Variants in CADPS2 observed in about 807,000 individuals in gnomAD.
CADPS2 encodes calcium dependent secretion activator 2.
CADPS2 carries 93 observed loss-of-function variants against 172.5 expected under a neutral mutation model. The ratio of observed to expected loss-of-function variants is 0.54; its 90% CI spans 0.46 to 0.64. The LOEUF is 0.64. CADPS2 is among the 30% of genes least tolerant of loss of function. The pLI is 0.00. For synonymous variants in CADPS2, 546 were observed against 555.2 expected, an observed-to-expected ratio of 0.98 and a Z score of 0.23; for missense variants, 1,420 against 1,565.9, an observed-to-expected ratio of 0.91 and a Z score of 1.57.
chr7:122,633,210 A>AT (rs1206811098), intron 3 of CADPS2, among the ~76,000 whole-genome samples: 1 of 152,010 alleles, frequency 6.6e-6, no homozygotes, highest in East Asian at 1.9e-4. Flanking sequence ...TTTAGAATAG[A>AT]TTTTTCTAAT....
chr7:122,664,472 C>T (rs2080966977), intron 2 of CADPS2, among the ~76,000 whole-genome samples: 1 of 152,054 alleles, frequency 6.6e-6, no homozygotes, highest in African/African-American at 2.4e-5. Flanking sequence ...GTTCATGAGA[C>T]AGGTAGCAAG....
chr7:122,528,254 G>GA (rs769006106), intron 8 of CADPS2, among the ~76,000 whole-genome samples: 3 of 151,890 alleles, frequency 2.0e-5, no homozygotes, highest in Non-Finnish European at 2.9e-5. Flanking sequence ...CCCATTTAAG[G>GA]AAAAAAGCTT....
intron 3 of CADPS2, among the ~76,000 whole-genome samples, chr7:122,659,310 T>A (rs370186551): frequency 1.2e-3 from 154 of 129,024 alleles, no homozygotes; most frequent in East Asian, 3.2e-3. Context: ...ATGCTAGACA[T>A]AAAAAAAAAA....
chr7:122,350,137 T>G (rs1028478065), intron 27 of CADPS2, among the ~76,000 whole-genome samples: 2 of 152,210 alleles, frequency 1.3e-5, no homozygotes, highest in Admixed American at 6.5e-5. Flanking sequence ...GTTATGATTA[T>G]CTGCTTGCTT....
intron 2 of CADPS2, among the ~76,000 whole-genome samples, chr7:122,701,430 G>A (rs2086065074): frequency 6.6e-6 from 1 of 152,080 alleles, no homozygotes; most frequent in Non-Finnish European, 1.5e-5. Flanking sequence ...TCACACACCG[G>A]GGCCTGTTGT....
At chr7:122,779,757 G>A (rs1375565016) in intron 1 of CADPS2, among the ~76,000 whole-genome samples, 1 of 152,126 alleles carries the variant, frequency 6.6e-6, no homozygotes, top group African/African-American at 2.4e-5. Context: ...ATCCATTGAT[G>A]AGTCTTCCAA....
At chr7:122,327,569 T>G (rs2034121899) in intron 28 of CADPS2, among the ~76,000 whole-genome samples, 2 of 152,090 alleles carry the variant, frequency 1.3e-5, no homozygotes, top group Admixed American at 1.3e-4. Flanking sequence ...TGAAAAAACT[T>G]TCTTAAAATT....
intron 1 of CADPS2, among the ~76,000 whole-genome samples, chr7:122,817,356 CCT>C (rs1801775431): frequency 6.6e-6 from 1 of 152,182 alleles, no homozygotes; most frequent in South Asian, 2.1e-4. Flanking sequence ...TCTTCTCCAA[CCT>C]CTCTCATCAC....
chr7:122,470,015 C>T (rs528083896), intron 14 of CADPS2, among the ~76,000 whole-genome samples: 10 of 151,956 alleles, frequency 6.6e-5, no homozygotes, highest in Admixed American at 3.3e-4. Flanking sequence ...AGATTTTTTG[C>T]GGTAAAATTT....
chr7:122,586,746 AAC>A (rs1004877913), intron 6 of CADPS2, among the ~76,000 whole-genome samples: 22 of 151,974 alleles, frequency 1.4e-4, no homozygotes, highest in Admixed American at 5.3e-4. Flanking sequence ...TGTAGAAAAA[AAC>A]ACACATTCCT....
intron 24 of CADPS2, among the ~76,000 whole-genome samples, chr7:122,384,282 G>A (rs993685816): frequency 6.6e-6 from 1 of 152,096 alleles, no homozygotes; most frequent in Non-Finnish European, 1.5e-5. Context: ...AAGGAGTTGG[G>A]AAAGTTTTAT....
intron 27 of CADPS2, among the ~76,000 whole-genome samples, chr7:122,353,446 G>C (rs1476567268): frequency 1.3e-5 from 2 of 152,024 alleles, no homozygotes; most frequent in East Asian, 1.9e-4. Flanking sequence ...CCAATGAAGA[G>C]AGACAGTTTC....
At chr7:122,520,655 C>T (rs1287482731) in intron 8 of CADPS2, among the ~76,000 whole-genome samples, 2 of 152,048 alleles carry the variant, frequency 1.3e-5, no homozygotes, top group African/African-American at 4.8e-5. Flanking sequence ...AAAGAACTCG[C>T]TTACCCAAAC....
At chr7:122,884,185 G>C (rs1217349021) in intron 1 of CADPS2, among the ~76,000 whole-genome samples, 3 of 152,066 alleles carry the variant, frequency 2.0e-5, no homozygotes, top group Non-Finnish European at 4.4e-5. Flanking sequence ...ATTAAAAATA[G>C]GCTTAAATGC....
intron 28 of CADPS2, among the ~76,000 whole-genome samples, chr7:122,336,284 A>G (rs2035839711): frequency 6.6e-6 from 1 of 152,156 alleles, no homozygotes; most frequent in Non-Finnish European, 1.5e-5. Flanking sequence ...TGATTCACAG[A>G]GGGGGAGTAC....
intron 20 of CADPS2, among the ~76,000 whole-genome samples, chr7:122,395,727 G>T (rs1210181539): frequency 1.3e-5 from 2 of 151,924 alleles, no homozygotes; most frequent in East Asian, 3.8e-4. Context: ...AGCATATTTG[G>T]AGTACCAAGC....
intron 8 of CADPS2, among the ~76,000 whole-genome samples, chr7:122,553,605 A>G (rs775606080): frequency 1.3e-5 from 2 of 152,090 alleles, no homozygotes; most frequent in Non-Finnish European, 2.9e-5. Flanking sequence ...CCCTGCCCAG[A>G]GCCTAACTTT....
rs117898692 is a variant in CADPS2 at position 122,378,099 on chromosome 7, C to T, written c.3387+1269G>A. Among the ~76,000 whole-genome samples, 480 of 152,134 alleles carry T rather than the reference C, an allele frequency of 3.2e-3. 2 individuals are homozygous for T. The highest frequency in any genetic ancestry group is 5.3e-3 in the Non-Finnish European group (362 of 67,984). On this transcript the variant is annotated intron_variant, in intron 25 of 29. Coordinates refer to ENST00000449022, the MANE Select transcript of CADPS2 (RefSeq NM_017954.11). ...GCTGTTTTCACTTAATACTATATTA[C>T]GAAACTCTTCATTTATCATTAATAG...
Position 122,438,413 on chromosome 7 carries a change from C to T in CADPS2, c.2404G>A (p.Val802Met). 6.2e-7 allele frequency: 1 copy of T among 1,613,194 alleles called. No individual in the cohort carries two copies. The highest frequency in any genetic ancestry group is 1.1e-5 in the South Asian group (1 of 91,058). ...TPIPAEEVKK[V>M]VRKCLEKAAL... ...GCTTTCTCGAGACATTTTCTGACCA[C>T]TTTCTTCACCTCTTCTGCTGGTATG... Residue 802 changes from valine (V) to methionine (M), a missense_variant, in exon 17 of 30, where the codon GTG (valine) becomes ATG (methionine). By Grantham distance (21) the Val-to-Met change is conservative. Coordinates refer to ENST00000449022, the MANE Select transcript of CADPS2 (RefSeq NM_017954.11).
Sources: allele counts gnomAD v4.1 joint callset (sites outside exome capture counted in the v4.1 genomes callset), GRCh38; gene constraint gnomAD v4.1.1; transcripts MANE v1.5; gene names NCBI Gene and HGNC (gene_info 2026-07-23, HGNC 2026-07-21).